Variants in NYAP2 observed in about 807,000 individuals in gnomAD.
The protein encoded by NYAP2 is neuronal tyrosine-phosphorylated phosphoinositide-3-kinase adaptor 2.
A neutral mutation model predicts 50.4 loss-of-function variants in NYAP2; 23 were observed. The observed-to-expected ratio is 0.46, with a 90% confidence interval of 0.33 to 0.65. NYAP2 has a LOEUF of 0.65. Ranked by LOEUF, NYAP2 falls within the 30% of genes least tolerant of loss-of-function variation. NYAP2 has a pLI of 0.02. For synonymous variants in NYAP2, 394 were observed against 365.2 expected (o/e 1.08, Z -0.90); for missense variants, 885 against 861.0 (o/e 1.03, Z -0.35).
At chr2:225,655,280 C>T (rs1234893648), downstream of NYAP2, among the ~76,000 whole-genome samples, 1 of 152,332 alleles carries the variant, frequency 6.6e-6, no homozygotes, top group African/African-American at 2.4e-5. Context: ...TATTCTCTGA[C>T]ACTCAGAGAG....
At chr2:225,681,066 C>T in the NYAP2 span, among the ~76,000 whole-genome samples, 1 of 152,114 alleles carries the variant, frequency 6.6e-6, no homozygotes, top group Non-Finnish European at 1.5e-5. Flanking sequence ...ACAAATATAA[C>T]CCAAAAATTT....
intron 4 of NYAP2, among the ~76,000 whole-genome samples, chr2:225,574,842 C>T (rs1445920820): frequency 6.6e-6 from 1 of 152,178 alleles, no homozygotes; most frequent in Non-Finnish European, 1.5e-5. Flanking sequence ...CTCTTATAGT[C>T]AAGCCCTTCA....
intron 4 of NYAP2, among the ~76,000 whole-genome samples, chr2:225,553,599 C>G (rs758547387): frequency 1.3e-5 from 2 of 152,242 alleles, no homozygotes; most frequent in African/African-American, 4.8e-5. Flanking sequence ...ATTACAATAG[C>G]TTCAGAGAAG....
At chr2:225,649,174 C>G (rs780721899) in intron 6 of NYAP2, among the ~76,000 whole-genome samples, 1 of 152,100 alleles carries the variant, frequency 6.6e-6, no homozygotes, top group Non-Finnish European at 1.5e-5. Flanking sequence ...TGGTGTTTTT[C>G]TATGAATTTT....
At chr2:225,693,431 T>C in the NYAP2 span, among the ~76,000 whole-genome samples, 2 of 152,072 alleles carry the variant, frequency 1.3e-5, no homozygotes, top group Admixed American at 6.6e-5. Context: ...ATACTGCCAG[T>C]ATAGTTTACT....
At position 225,588,551 on chromosome 2, in the gene NYAP2, T is replaced by C. The variant is rs1016884877; in HGVS notation, c.1618+5516T>C. ...GCTGCTCCAACTAACTCTTACTAAT[T>C]TAATTTTTAAAGAATTTGTAAATAA... is the stretch of plus-strand genomic sequence containing the variant. On this transcript the variant is annotated intron_variant, in intron 5 of 6. Transcript: ENST00000636099. Among the ~76,000 whole-genome samples, 6 of 152,346 alleles carry C rather than the reference T, an allele frequency of 3.9e-5. No homozygotes were observed. In the South Asian group the frequency reaches 8.3e-4, roughly 21 times the overall value.
intron 3 of NYAP2, among the ~76,000 whole-genome samples, chr2:225,448,871 C>T (rs1417338429): frequency 2.0e-5 from 3 of 152,050 alleles, no homozygotes; most frequent in Admixed American, 2.0e-4. Flanking sequence ...ATATTCATGG[C>T]CCATGGGTTT....
chr2:225,695,163 GGAT>G, the NYAP2 span, among the ~76,000 whole-genome samples: 3 of 151,426 alleles, frequency 2.0e-5, no homozygotes, highest in Non-Finnish European at 4.4e-5. Flanking sequence ...CATATTTTAT[GGAT>G]AATACAGTAC....
chr2:225,488,910 G>A (rs13433050), intron 3 of NYAP2, among the ~76,000 whole-genome samples: 34,814 of 152,024 alleles, frequency 0.23, 5,664 homozygotes, highest in African/African-American at 0.46. Context: ...TTAAAGAGCA[G>A]CTTTGCTCAA....
intron 5 of NYAP2, 90 bp from the exon 6 acceptor site, chr2:225,626,827 C>A (rs1574717302): frequency 1.0e-6 from 1 of 985,160 alleles, no homozygotes; most frequent in Non-Finnish European, 1.5e-6. Context: ...CATATTGAGA[C>A]AATTTTAGAA....
chr2:225,622,871 C>T (rs1212774539), intron 5 of NYAP2, among the ~76,000 whole-genome samples: 1 of 152,140 alleles, frequency 6.6e-6, no homozygotes, highest in Non-Finnish European at 1.5e-5. Flanking sequence ...AGGCTTCAGC[C>T]ACCATGCCCA....
At chr2:225,429,391 A>C (rs1695331575) in intron 3 of NYAP2, among the ~76,000 whole-genome samples, 1 of 152,226 alleles carries the variant, frequency 6.6e-6, no homozygotes, top group Non-Finnish European at 1.5e-5. Flanking sequence ...TACTTGGGAC[A>C]GCTTTCACAT....
At chr2:225,430,670 C>T (rs1368098788) in intron 3 of NYAP2, among the ~76,000 whole-genome samples, 1 of 152,152 alleles carries the variant, frequency 6.6e-6, no homozygotes, top group African/African-American at 2.4e-5. Flanking sequence ...TTAATCAATA[C>T]ATCAGGGATT....
At chr2:225,624,685 T>A (rs542700472) in intron 5 of NYAP2, among the ~76,000 whole-genome samples, 1 of 152,342 alleles carries the variant, frequency 6.6e-6, no homozygotes, top group Admixed American at 6.5e-5. Flanking sequence ...TTAAATAAAC[T>A]AATAAAGGCC....
chr2:225,412,376 A>G (rs376628202), intron 3 of NYAP2, among the ~76,000 whole-genome samples: 1 of 148,400 alleles, frequency 6.7e-6, no homozygotes, highest in East Asian at 2.0e-4. Context: ...TTGATGACTT[A>G]GAGAAAGGGA....
upstream of NYAP2, among the ~76,000 whole-genome samples, chr2:225,398,421 T>C (rs183889378): frequency 6.0e-3 from 920 of 152,136 alleles, 11 homozygotes; most frequent in African/African-American, 0.021. Context: ...TTCTAAAATG[T>C]CTGTCAATAA....
intron 5 of NYAP2, among the ~76,000 whole-genome samples, chr2:225,589,401 G>T (rs974418285): frequency 6.6e-6 from 1 of 150,672 alleles, no homozygotes; most frequent in African/African-American, 2.4e-5. Context: ...TGGATGTGGT[G>T]GCTCACTCCT....
At chr2:225,410,475 G>A (rs1340349902) in intron 3 of NYAP2, among the ~76,000 whole-genome samples, 2 of 151,526 alleles carry the variant, frequency 1.3e-5, no homozygotes, top group Non-Finnish European at 2.9e-5. Flanking sequence ...TTGTGTGTGA[G>A]CATTTAACTT....
intron 4 of NYAP2, among the ~76,000 whole-genome samples, chr2:225,578,538 C>A (rs1009375125): frequency 6.6e-6 from 1 of 152,150 alleles, no homozygotes; most frequent in African/African-American, 2.4e-5. Flanking sequence ...AAATTAGAAA[C>A]TGGAGAGTCA....
Sources: gnomAD v4.1 joint callset for allele counts (sites outside exome capture counted in the v4.1 genomes callset) on GRCh38, gnomAD v4.1.1 for gene constraint, MANE v1.5 for transcripts, NCBI Gene and HGNC (gene_info 2026-07-23, HGNC 2026-07-21) for gene names.